MINDY2: variants seen among roughly 807,000 people sequenced by gnomAD.
MINDY2 encodes ubiquitin carboxyl-terminal hydrolase MINDY-2.
In MINDY2, 52 loss-of-function variants were observed where a neutral mutation model predicts 68.2. The ratio of observed to expected loss-of-function variants is 0.76; its 90% CI spans 0.61 to 0.96. The LOEUF (loss-of-function observed/expected upper bound fraction) is 0.96, where lower values mean the gene tolerates loss of function less well. Ranked by LOEUF, MINDY2 falls within the 40% of genes least tolerant of loss-of-function variation. The probability of loss-of-function intolerance (pLI) is 0.00; values close to 1 mark genes in which losing one functional copy is unlikely to be tolerated. For missense variants in MINDY2, 881 were observed against 773.4 expected, an observed-to-expected ratio of 1.14 and a Z score of -1.65; for synonymous variants, 372 against 303.0, an observed-to-expected ratio of 1.23 and a Z score of -2.36.
intron 5 of MINDY2, among the ~76,000 whole-genome samples, chr15:58,822,579 C>G (rs1018130929): frequency 6.6e-6 from 1 of 152,014 alleles, no homozygotes; most frequent in South Asian, 2.1e-4. Flanking sequence ...TATTAAAGCC[C>G]CATTCTGGAT....
chr15:58,824,929 CA>C (rs1305157151), intron 5 of MINDY2, among the ~76,000 whole-genome samples: 1 of 152,130 alleles, frequency 6.6e-6, no homozygotes, highest in Non-Finnish European at 1.5e-5. Context: ...CTCAACCTCC[CA>C]AAGTGCTGCA....
intron 2 of MINDY2, among the ~76,000 whole-genome samples, chr15:58,793,147 A>G (rs1439358822): frequency 1.3e-5 from 2 of 152,220 alleles, no homozygotes; most frequent in Non-Finnish European, 2.9e-5. Context: ...GGGAAGACCA[A>G]AATGTTCTAA....
intron 4 of MINDY2, among the ~76,000 whole-genome samples, chr15:58,821,384 T>A (rs2031051939): frequency 6.6e-6 from 1 of 151,832 alleles, no homozygotes; most frequent in Admixed American, 6.6e-5. Flanking sequence ...GATATTTTCT[T>A]ATTTTTTCTT....
intron 6 of MINDY2, among the ~76,000 whole-genome samples, chr15:58,846,920 GA>G (rs544991141): frequency 4.0e-5 from 6 of 149,056 alleles, no homozygotes; most frequent in African/African-American, 1.5e-4. Context: ...GGCTTAATTG[GA>G]AAAAAAAACA....
chr15:58,786,701 A>G (rs1008965511), intron 1 of MINDY2, among the ~76,000 whole-genome samples: 17 of 152,264 alleles, frequency 1.1e-4, no homozygotes, highest in Non-Finnish European at 2.2e-4. Flanking sequence ...CAGGTCAAGA[A>G]GGTCGAAGAA....
chr15:58,824,271 C>A (rs2031251484), intron 5 of MINDY2, among the ~76,000 whole-genome samples: 1 of 151,990 alleles, frequency 6.6e-6, no homozygotes, highest in East Asian at 1.9e-4. Flanking sequence ...ACATTGATTC[C>A]TCAGGATAAT....
intron 2 of MINDY2, among the ~76,000 whole-genome samples, chr15:58,797,562 G>A (rs1371714510): frequency 6.6e-6 from 1 of 152,120 alleles, no homozygotes. Flanking sequence ...CTTTATTAAT[G>A]TGGCTGCTAG....
chr15:58,838,931 GATTAT>G (rs2032140341), intron 6 of MINDY2, among the ~76,000 whole-genome samples: 1 of 151,872 alleles, frequency 6.6e-6, no homozygotes, highest in South Asian at 2.1e-4. Flanking sequence ...AAGTATTCAT[GATTAT>G]ATTATATCAT....
At chr15:58,811,060 A>C (rs1285769683) in intron 4 of MINDY2, among the ~76,000 whole-genome samples, 1 of 152,230 alleles carries the variant, frequency 6.6e-6, no homozygotes, top group Admixed American at 6.5e-5. Context: ...GGGATCCATC[A>C]TTAGTATAAA....
At chr15:58,782,292 C>T (rs1459631654) in intron 1 of MINDY2, among the ~76,000 whole-genome samples, 1 of 152,070 alleles carries the variant, frequency 6.6e-6, no homozygotes, top group Non-Finnish European at 1.5e-5. Context: ...TGTGTATATA[C>T]ACTGCATATT....
At chr15:58,831,053 A>ATG (rs1285074716) in intron 5 of MINDY2, among the ~76,000 whole-genome samples, 1 of 149,434 alleles carries the variant, frequency 6.7e-6, no homozygotes, top group Admixed American at 6.7e-5. Flanking sequence ...ATATATATAT[A>ATG]TATATATGTT....
intron 5 of MINDY2, among the ~76,000 whole-genome samples, chr15:58,828,574 T>TC (rs1195216222): frequency 7.0e-6 from 1 of 142,668 alleles, no homozygotes; most frequent in African/African-American, 2.8e-5. Context: ...TTATTGAATT[T>TC]CTTTTTTTTT....
At chr15:58,836,236 TC>T (rs1399908587) in intron 6 of MINDY2, among the ~76,000 whole-genome samples, 4 of 150,416 alleles carry the variant, frequency 2.7e-5, no homozygotes, top group African/African-American at 9.9e-5. Context: ...TAACTATAAT[TC>T]TTTTTTTTTT....
chr15:58,794,245 A>G (rs1207898696), intron 2 of MINDY2, among the ~76,000 whole-genome samples: 1 of 152,048 alleles, frequency 6.6e-6, no homozygotes, highest in Non-Finnish European at 1.5e-5. Flanking sequence ...AATGAGATTA[A>G]TGGATTGTAG....
chr15:58,811,455 G>A (rs1228059211), intron 4 of MINDY2, among the ~76,000 whole-genome samples: 1 of 152,196 alleles, frequency 6.6e-6, no homozygotes. Context: ...CAAAGTTAAG[G>A]GGAACAACAA....
chr15:58,839,669 G>C (rs556449374), intron 6 of MINDY2, among the ~76,000 whole-genome samples: 4 of 152,078 alleles, frequency 2.6e-5, no homozygotes, highest in Non-Finnish European at 4.4e-5. Context: ...ATACACCAAA[G>C]TGGTGTTTAA....
rs369661661 is a variant in MINDY2 at position 58,773,787 on chromosome 15, C to A, written c.840+1552C>A. On this transcript the variant is annotated intron_variant, in intron 1 of 8. Transcript: ENST00000559228. ...TTTAGAATAACAGGGAAATGGAATT[C>A]CCAGGGGAGAGAAGAGTATAAACCA... is the stretch of plus-strand genomic sequence containing the variant. Among the ~76,000 whole-genome samples the A allele has an allele frequency of 2.0e-4, 30 of 151,376 alleles. No homozygotes were observed. The East Asian group carries it at 2.5e-3, about 13-fold the overall frequency.
intron 6 of MINDY2, among the ~76,000 whole-genome samples, chr15:58,845,699 T>C (rs2032496909): frequency 6.6e-6 from 1 of 152,082 alleles, no homozygotes; most frequent in Admixed American, 6.6e-5. Context: ...CTCCTAAGAA[T>C]ATACTCAAAA....
Position 58,802,297 on chromosome 15 carries a change from T to TC in MINDY2, c.899-16_899-15insC. ...TTTTAAAAGGCAATTTTACAATTCT[T>TC]TTTTTTTTTTTACAGGAGATTACAT... On this transcript the variant is annotated splice_polypyrimidine_tract_variant and intron_variant, in intron 2 of 8. Transcript: ENST00000559228. The TC allele has an allele frequency of 8.5e-7, 1 of 1,174,610 alleles. No homozygotes were observed. The highest frequency in any genetic ancestry group is 3.2e-5 in the East Asian group (1 of 31,388). The allele number at this position is 1,174,610 out of a possible 1,614,324, so 72.8% of individuals were successfully genotyped here.
Sources: gnomAD v4.1 joint callset for allele counts (sites outside exome capture counted in the v4.1 genomes callset) on GRCh38, gnomAD v4.1.1 for gene constraint, MANE v1.5 for transcripts, NCBI Gene and HGNC (gene_info 2026-07-23, HGNC 2026-07-21) for gene names.